Variants in PDZK1 observed in about 807,000 individuals in gnomAD.
PDZK1 encodes PDZ domain containing 1.
In PDZK1, 23 loss-of-function variants were observed where a neutral mutation model predicts 38.1. The ratio of observed to expected loss-of-function variants is 0.60; its 90% CI spans 0.43 to 0.85. The LOEUF is 0.85. Among genes scored for constraint, PDZK1 ranks in the 40% least tolerant of loss-of-function variants. The pLI is 0.00. For synonymous variants in PDZK1, 98 were observed against 186.2 expected (o/e 0.53, Z 3.86); for missense variants, 297 against 504.3 (o/e 0.59, Z 3.94).
intron 2 of PDZK1, 126 bp downstream of exon 2, chr1:145,687,686 G>C (rs782780560): frequency 2.5e-4 from 186 of 743,452 alleles, no homozygotes; most frequent in Non-Finnish European, 4.0e-4. Flanking sequence ...AGCAATAAAG[G>C]TGTCCTGCCT....
chr1:145,699,375 AC>A (rs1408871361), intron 1 of PDZK1, among the ~76,000 whole-genome samples: 2 of 152,138 alleles, frequency 1.3e-5, no homozygotes, highest in African/African-American at 4.8e-5. Flanking sequence ...CCAAGATTGT[AC>A]CACTCACTCC....
chr1:145,705,076 G>A (rs1553705513), intron 1 of PDZK1, among the ~76,000 whole-genome samples: 3 of 152,086 alleles, frequency 2.0e-5, no homozygotes, highest in South Asian at 4.1e-4. Flanking sequence ...TCTGGCAAAG[G>A]TGACAAGTAA....
At chr1:145,672,295 A>G (rs1272806590) in intron 8 of PDZK1, among the ~76,000 whole-genome samples, 1 of 151,766 alleles carries the variant, frequency 6.6e-6, no homozygotes, top group East Asian at 1.9e-4. Context: ...AAGCACTTTA[A>G]TATAGTTAAT....
chr1:145,673,130 A>T, intron 7 of PDZK1, 110 bp from the exon 8 acceptor site: 1 of 849,820 alleles, frequency 1.2e-6, no homozygotes, highest in Non-Finnish European at 1.9e-6. Context: ...TAATCATGTT[A>T]TTATTTCTCC....
chr1:145,686,003 G>A (rs1484708561), intron 3 of PDZK1, among the ~76,000 whole-genome samples: 1 of 152,170 alleles, frequency 6.6e-6, no homozygotes, highest in African/African-American at 2.4e-5. Flanking sequence ...TGGCACATCA[G>A]CAGGTGCTCA....
chr1:145,694,170 C>G (rs192038019), intron 1 of PDZK1, among the ~76,000 whole-genome samples: 1 of 152,304 alleles, frequency 6.6e-6, no homozygotes, highest in African/African-American at 2.4e-5. Context: ...GGATTGCTCC[C>G]CACCTCCCAA....
At chr1:145,699,377 C>T (rs1031035298) in intron 1 of PDZK1, among the ~76,000 whole-genome samples, 2 of 152,150 alleles carry the variant, frequency 1.3e-5, no homozygotes, top group Non-Finnish European at 1.5e-5. Flanking sequence ...AAGATTGTAC[C>T]ACTCACTCCA....
chr1:145,697,763 ATTTTTTTTTTTTTTTTTTTTT>A lies in PDZK1; in HGVS notation c.-3+9533_-3+9553del, dbSNP rs10564713. 8.9e-5 allele frequency among the ~76,000 whole-genome samples: 4 copies of A among 44,978 alleles called. No homozygotes were observed. The East Asian group carries it at 2.0e-3, about 22-fold the overall frequency. 29.5% of individuals were successfully genotyped at this position (44,978 alleles called of 152,430 possible). ...AGGCACCCGCCACCATGCCCAGCTAATTTTTTTTTTTTTTTTTTTTTTTTTTTTTTTTTTTTAGTAGAGACA... is the reference window on the plus strand; with the variant it reads ...AGGCACCCGCCACCATGCCCAGCTAATTTTTTTTTTTTTTTAGTAGAGACA... On this transcript the variant is annotated intron_variant, in intron 1 of 8. Transcript: ENST00000417171.
intron 1 of PDZK1, among the ~76,000 whole-genome samples, chr1:145,689,756 T>C (rs1553702766): frequency 1.3e-5 from 2 of 152,088 alleles, no homozygotes; most frequent in Non-Finnish European, 2.9e-5. Context: ...CAAGAACGGA[T>C]GACCACACAG....
At chr1:145,693,634 C>T (rs1341316776) in intron 1 of PDZK1, among the ~76,000 whole-genome samples, 5 of 152,052 alleles carry the variant, frequency 3.3e-5, no homozygotes, top group African/African-American at 9.6e-5. Flanking sequence ...ATTAGCCGGG[C>T]GTGGTGGCGG....
Position 145,687,983 on chromosome 1 carries a change from G to A in PDZK1, c.39C>T (p.Ser13=), listed in dbSNP as rs150154026. The change falls in exon 2 of 9, where the codon TCC becomes TCT. Residue 13 remains serine (S), a synonymous_variant. Coordinates refer to ENST00000417171, the MANE Select transcript of PDZK1 (RefSeq NM_001201325.2). ...AGCCATAGTTTTGCCCTTCTTGCTT[G>A]GACAGTTTACATTCTCGGGGGTTGA... ...STFNPRECKL[S]KQEGQNYGFF... The A allele has an allele frequency of 1.9e-5, 30 of 1,612,432 alleles. No individual in the cohort carries two copies. The African/African-American group carries it at 3.0e-4, about 16-fold the overall frequency.
intron 6 of PDZK1, chr1:145,676,024 A>G (rs1653624961): frequency 5.3e-6 from 1 of 187,482 alleles, no homozygotes; most frequent in East Asian, 1.9e-4. Flanking sequence ...TCTCAAAAAA[A>G]AAAAATGAGA....
chr1:145,686,248 C>G (rs1553701649), intron 3 of PDZK1, among the ~76,000 whole-genome samples: 8 of 152,130 alleles, frequency 5.3e-5, no homozygotes, highest in Non-Finnish European at 2.9e-5. Flanking sequence ...CCCAGTGCCC[C>G]CCACCCCCAC....
At chr1:145,690,070 C>G (rs1655116094) in intron 1 of PDZK1, among the ~76,000 whole-genome samples, 1 of 152,172 alleles carries the variant, frequency 6.6e-6, no homozygotes, top group African/African-American at 2.4e-5. Flanking sequence ...ACACCAGCAC[C>G]TTGGGAGAGC....
intron 6 of PDZK1, among the ~76,000 whole-genome samples, chr1:145,676,770 T>G (rs1653723274): frequency 6.6e-6 from 1 of 152,000 alleles, no homozygotes; most frequent in Non-Finnish European, 1.5e-5. Flanking sequence ...GTAATAGCCT[T>G]TCAAATTCTT....
In PDZK1 at chr1:145,686,726, C is replaced by T. The variant is rs781842343; in HGVS notation, c.211G>A (p.Val71Ile). Residue 71 changes from valine (V) to isoleucine (I), a missense_variant and splice_region_variant, in exon 3 of 9, where the codon GTT becomes ATT. This residue lies in a region of PDZK1 where 159 missense variants were observed against 200.0 expected (regional missense o/e 0.79). Transcript: ENST00000417171. ...CCACTCTTTCTGACCAGATCCACAA[C>T]CTAGGAGGGAAGAAGAAAAAGGTAA... Reference protein sequence around the residue: ...VFVDKEEHMQVVDLVRKSGNS... With the variant: ...VFVDKEEHMQIVDLVRKSGNS... The T allele has an allele frequency of 6.9e-7, 1 of 1,456,514 alleles. No homozygotes were observed. The highest frequency in any genetic ancestry group is 2.0e-5 in the Admixed American group (1 of 50,206). 90.2% of individuals were successfully genotyped at this position (1,456,514 alleles called of 1,614,324 possible).
intron 1 of PDZK1, among the ~76,000 whole-genome samples, chr1:145,692,743 A>G (rs1400288535): frequency 6.6e-6 from 1 of 151,286 alleles, no homozygotes; most frequent in Admixed American, 6.6e-5. Context: ...AAGAAAGAAA[A>G]AGAATTCTGG....
chr1:145,675,494 G>C (rs1653559163), intron 6 of PDZK1, among the ~76,000 whole-genome samples: 1 of 141,270 alleles, frequency 7.1e-6, no homozygotes, highest in Non-Finnish European at 1.5e-5. Flanking sequence ...TTCTAAGTGA[G>C]AATACCACCA....
intron 6 of PDZK1, among the ~76,000 whole-genome samples, chr1:145,675,609 A>T (rs1261161724): frequency 6.6e-6 from 1 of 151,404 alleles, no homozygotes; most frequent in Non-Finnish European, 1.5e-5. Flanking sequence ...ATGGAAAATT[A>T]TCAGGTGACT....
Sources: allele counts gnomAD v4.1 joint callset (sites outside exome capture counted in the v4.1 genomes callset), GRCh38; gene constraint gnomAD v4.1.1; regional missense constraint gnomAD v4.1.1; transcripts MANE v1.5; gene names NCBI Gene and HGNC (gene_info 2026-07-23, HGNC 2026-07-21).